Variants in LPP observed in about 807,000 individuals in gnomAD.
The protein encoded by LPP is LIM domain containing preferred translocation partner in lipoma, also known as lipoma-preferred partner.
A neutral mutation model predicts 60.4 loss-of-function variants in LPP; 38 were observed. The observed-to-expected ratio is 0.63, with a 90% CI of 0.49 to 0.83. LPP has a LOEUF of 0.83. LPP is among the 40% of genes least tolerant of loss of function. LPP has a pLI of 0.00. For synonymous variants in LPP, 328 were observed against 290.8 expected (o/e 1.13, Z -1.30); for missense variants, 902 against 783.6 (o/e 1.15, Z -1.80).
intron 4 of LPP, among the ~76,000 whole-genome samples, chr3:188,422,299 AC>A (rs1788016040): frequency 6.6e-6 from 1 of 152,158 alleles, no homozygotes; most frequent in East Asian, 1.9e-4. Flanking sequence ...GTTTTCAAAA[AC>A]AACCTCAAAT....
At chr3:188,784,284 A>C (rs1032365662) in intron 9 of LPP, among the ~76,000 whole-genome samples, 5 of 146,512 alleles carry the variant, frequency 3.4e-5, no homozygotes, top group African/African-American at 1.3e-4. Flanking sequence ...ATAGTATTCC[A>C]TCATATATAT....
intron 6 of LPP, among the ~76,000 whole-genome samples, chr3:188,574,794 A>T (rs140111747): frequency 6.6e-6 from 1 of 152,114 alleles, no homozygotes; most frequent in South Asian, 2.1e-4. Context: ...TCATCTTCAG[A>T]TATCTTTTCT....
chr3:188,419,574 C>T (rs1321980560), intron 4 of LPP, among the ~76,000 whole-genome samples: 1 of 152,144 alleles, frequency 6.6e-6, no homozygotes, highest in Non-Finnish European at 1.5e-5. Context: ...TAAGTGGCAA[C>T]CTAAGTTCTT....
At position 188,557,012 on chromosome 3, in the gene LPP, C is replaced by T. The variant is rs7627397; in HGVS notation, c.429+32225C>T. Among the ~76,000 whole-genome samples, 432 of 152,050 alleles carry T rather than the reference C, an allele frequency of 2.8e-3. 3 individuals are homozygous for T. The highest frequency in any genetic ancestry group is 6.8e-3 in the Middle Eastern group (2 of 294). ...AATTTTCTCACCTTTTAAAGTGATC[C>T]TGAGGTATATCATGCAGGATAGTTG... is the stretch of plus-strand genomic sequence containing the variant. On this transcript the variant is annotated intron_variant, in intron 6 of 11. Coordinates refer to ENST00000617246, the MANE Select transcript of LPP (RefSeq NM_001375462.1).
intron 5 of LPP, among the ~76,000 whole-genome samples, chr3:188,487,705 G>A (rs1806990573): frequency 6.6e-6 from 1 of 152,202 alleles, no homozygotes; most frequent in Non-Finnish European, 1.5e-5. Context: ...GTTTGTACCA[G>A]CTATAGAAAT....
rs565874357 is a variant in LPP, at chr3:188,637,121, C to T, written c.1113+27277C>T. 4.4e-3 allele frequency among the ~76,000 whole-genome samples: 669 copies of T among 150,930 alleles called. 3 individuals are homozygous for T. Among genetic ancestry groups the T allele is most frequent in the Non-Finnish European group, 8.5e-3 (575 of 67,796 alleles). On this transcript the variant is annotated intron_variant, in intron 7 of 11. Coordinates refer to ENST00000617246, the MANE Select transcript of LPP (RefSeq NM_001375462.1). ...TGACCACATACTTGGAAGTAAAGTT[C>T]TCTTCAGCAAACGTAAAAGAACAGA...
At chr3:188,828,926 AT>A (rs1450321108) in intron 9 of LPP, among the ~76,000 whole-genome samples, 1 of 152,150 alleles carries the variant, frequency 6.6e-6, no homozygotes, top group Non-Finnish European at 1.5e-5. Context: ...TGTATATAGC[AT>A]TATCTGACTT....
chr3:188,364,463 G>T (rs994308958), intron 3 of LPP, among the ~76,000 whole-genome samples: 9 of 152,336 alleles, frequency 5.9e-5, no homozygotes, highest in East Asian at 5.8e-4. Context: ...CTTTCTGGGA[G>T]AATGGGGCTG....
chr3:188,179,296 G>A (rs904199166), intron 1 of LPP: 4 of 458,218 alleles, frequency 8.7e-6, no homozygotes, highest in East Asian at 7.0e-5. Flanking sequence ...TATCTGACCC[G>A]TGCATGTGCC....
chr3:188,673,892 G>GT (rs11326051), intron 7 of LPP, among the ~76,000 whole-genome samples: 2 of 137,866 alleles, frequency 1.5e-5, no homozygotes, highest in Admixed American at 7.2e-5. Context: ...TTTCTTTTTT[G>GT]TTTTTTTTTT....
At chr3:188,297,113 C>T (rs1349477551) in intron 2 of LPP, among the ~76,000 whole-genome samples, 1 of 152,182 alleles carries the variant, frequency 6.6e-6, no homozygotes, top group Non-Finnish European at 1.5e-5. Flanking sequence ...GGGGCAGTTT[C>T]CTGAGCAGGG....
chr3:188,716,057 A>T (rs1028882998), intron 8 of LPP, among the ~76,000 whole-genome samples: 1 of 152,240 alleles, frequency 6.6e-6, no homozygotes, highest in African/African-American at 2.4e-5. Context: ...TATTTGAAGA[A>T]TCCTTCAGAG....
chr3:188,887,204 A>T lies in LPP; in HGVS notation c.*12725A>T. The T allele has an allele frequency of 4.5e-6, 1 of 223,910 alleles. No homozygotes were observed. The allele number at this position is 223,910 out of a possible 1,614,324, so 13.9% of individuals were successfully genotyped here. ...CCAAATTGTTTAACTCTGCTTCCAA[A>T]CTAGTTTAAGAAATGCAAAATGGGA... On this transcript the variant is annotated 3_prime_UTR_variant, in exon 12 of 12. Transcript: ENST00000617246.
At chr3:188,842,295 C>A (rs1018842765) in intron 9 of LPP, among the ~76,000 whole-genome samples, 2 of 152,198 alleles carry the variant, frequency 1.3e-5, no homozygotes, top group Non-Finnish European at 2.9e-5. Flanking sequence ...AGCAGCTTTT[C>A]ATATGCCTAT....
intron 3 of LPP, among the ~76,000 whole-genome samples, chr3:188,381,859 C>G (rs749948116): frequency 8.6e-5 from 13 of 152,030 alleles, no homozygotes; most frequent in African/African-American, 1.2e-4. Flanking sequence ...GAGTCTTGCT[C>G]TATTGCCCAT....
intron 11 of LPP, among the ~76,000 whole-genome samples, 174 bp downstream of exon 11, chr3:188,872,937 G>A (rs537054264): frequency 6.6e-6 from 1 of 152,306 alleles, no homozygotes; most frequent in Admixed American, 6.5e-5. Context: ...TGTTGAATAA[G>A]TCACTGTACC....
intron 2 of LPP, among the ~76,000 whole-genome samples, chr3:188,303,196 G>A (rs527994025): frequency 9.5e-4 from 145 of 152,198 alleles, no homozygotes; most frequent in South Asian, 8.3e-4. Context: ...GATAATACAC[G>A]AAACACTCAA....
intron 2 of LPP, among the ~76,000 whole-genome samples, chr3:188,281,864 C>T (rs1266651021): frequency 6.6e-6 from 1 of 152,080 alleles, no homozygotes; most frequent in Non-Finnish European, 1.5e-5. Context: ...ATTCTTTGTT[C>T]TTTCATGAAA....
At chr3:188,344,106 GTACT>G (rs1211111370) in intron 3 of LPP, among the ~76,000 whole-genome samples, 2 of 152,304 alleles carry the variant, frequency 1.3e-5, no homozygotes, top group African/African-American at 4.8e-5. Flanking sequence ...GGCAAGATCT[GTACT>G]TGAACGAGAA....
Sources: allele counts gnomAD v4.1 joint callset (sites outside exome capture counted in the v4.1 genomes callset), GRCh38; gene constraint gnomAD v4.1.1; transcripts MANE v1.5; gene names NCBI Gene and HGNC (gene_info 2026-07-23, HGNC 2026-07-21).